The following USP30 variants were observed in gnomAD, a reference collection of about 807,000 sequenced individuals.
The protein encoded by USP30 is ubiquitin specific peptidase 30.
A neutral mutation model predicts 68.2 loss-of-function variants in USP30; 41 were observed. That is an observed-to-expected ratio of 0.60 (90% CI 0.47 to 0.78). The LOEUF is 0.78. USP30 is among the 30% of genes least tolerant of loss of function. USP30 has a pLI of 0.00. For missense variants in USP30, 522 were observed against 649.4 expected (o/e 0.80, Z 2.13); for synonymous variants, 229 against 253.7 (o/e 0.90, Z 0.93).
chr12:109,062,515 A>T (rs2041106053), intron 3 of USP30, among the ~76,000 whole-genome samples: 1 of 151,602 alleles, frequency 6.6e-6, no homozygotes, highest in East Asian at 2.0e-4. Flanking sequence ...TTTTTAGTAG[A>T]GACGGGGTTT....
intron 1 of USP30, among the ~76,000 whole-genome samples, chr12:109,024,010 C>A (rs967414128): frequency 6.6e-6 from 1 of 152,094 alleles, no homozygotes; most frequent in African/African-American, 2.4e-5. Context: ...CAGCCTGGAA[C>A]TGGAGAGTGG....
At chr12:109,077,009 G>A (rs2041631786) in intron 7 of USP30, among the ~76,000 whole-genome samples, 1 of 152,144 alleles carries the variant, frequency 6.6e-6, no homozygotes, top group Admixed American at 6.5e-5. Flanking sequence ...TGGGATTACA[G>A]GCATGAGCCA....
intron 3 of USP30, among the ~76,000 whole-genome samples, chr12:109,064,179 G>T (rs554209713): frequency 6.6e-5 from 10 of 151,900 alleles, no homozygotes; most frequent in African/African-American, 1.9e-4. Flanking sequence ...GCATTGTTTG[G>T]TTTTTTGTTG....
intron 1 of USP30, among the ~76,000 whole-genome samples, chr12:109,024,626 T>TA (rs1366791923): frequency 1.3e-5 from 2 of 149,696 alleles, no homozygotes; most frequent in Non-Finnish European, 3.0e-5. Context: ...AAAGCAGCAT[T>TA]TTTTTTTTCC....
intron 3 of USP30, among the ~76,000 whole-genome samples, chr12:109,041,081 A>G (rs572844223): frequency 4.6e-5 from 7 of 152,302 alleles, no homozygotes; most frequent in Non-Finnish European, 7.3e-5. Context: ...CTCATCAGTC[A>G]ACTGAGCTGG....
chr12:109,054,000 G>A, intron 1 of USP30: 1 of 455,746 alleles, frequency 2.2e-6, no homozygotes, highest in South Asian at 1.6e-5. Flanking sequence ...AAAAATGAAA[G>A]TGATAGTAGA....
At chr12:109,030,848 T>G (rs2040475503) in intron 3 of USP30, among the ~76,000 whole-genome samples, 1 of 152,160 alleles carries the variant, frequency 6.6e-6, no homozygotes, top group South Asian at 2.1e-4. Context: ...ACTCCTGACC[T>G]CATGATCCAC....
chr12:109,047,515 GT>G (rs1869626659), intron 3 of USP30: 1 of 152,174 alleles, frequency 6.6e-6, no homozygotes, highest in South Asian at 2.1e-4. Context: ...GAATCTTTCT[GT>G]GTTTATTCTT....
intron 3 of USP30, among the ~76,000 whole-genome samples, chr12:109,039,510 G>T (rs1199077617): frequency 1.3e-5 from 2 of 152,154 alleles, no homozygotes; most frequent in Non-Finnish European, 2.9e-5. Context: ...CATGAATGTA[G>T]TGAGAATATA....
intron 9 of USP30, 136 bp downstream of exon 9, chr12:109,082,155 G>T: frequency 5.5e-6 from 5 of 905,786 alleles, no homozygotes; most frequent in Non-Finnish European, 1.7e-6. Flanking sequence ...CCCTAATTTG[G>T]TTTGGACATT....
chr12:109,049,475 T>A (rs772007979), upstream of USP30, among the ~76,000 whole-genome samples: 1 of 152,196 alleles, frequency 6.6e-6, no homozygotes, highest in Non-Finnish European at 1.5e-5. Flanking sequence ...AATAGTAACA[T>A]TAAGGATCAC....
At chr12:109,036,904 C>T (rs974286145) in intron 3 of USP30, among the ~76,000 whole-genome samples, 1 of 151,990 alleles carries the variant, frequency 6.6e-6, no homozygotes, top group African/African-American at 2.4e-5. Context: ...TAGATGTGGA[C>T]CTCTTTGAAT....
chr12:109,084,460 G>T (rs1342604815), intron 11 of USP30, among the ~76,000 whole-genome samples: 1 of 152,154 alleles, frequency 6.6e-6, no homozygotes, highest in Non-Finnish European at 1.5e-5. Flanking sequence ...AAGGGACATT[G>T]GGCAGTGTCT....
upstream of USP30, among the ~76,000 whole-genome samples, chr12:109,049,114 CA>C (rs2040634689): frequency 1.3e-5 from 2 of 152,294 alleles, no homozygotes; most frequent in Admixed American, 1.3e-4. Context: ...ACTGGAGTAG[CA>C]CTTTTAATTT....
intron 3 of USP30, among the ~76,000 whole-genome samples, chr12:109,031,309 A>C (rs773908570): frequency 1.7e-4 from 26 of 152,164 alleles, no homozygotes; most frequent in Admixed American, 1.4e-3. Context: ...ATGTGTCCTC[A>C]ATGGCATTGT....
At chr12:109,032,518 T>C (rs1306882679) in intron 3 of USP30, among the ~76,000 whole-genome samples, 1 of 152,216 alleles carries the variant, frequency 6.6e-6, no homozygotes, top group Non-Finnish European at 1.5e-5. Flanking sequence ...AAGAACATTG[T>C]GTTAGGTGAA....
intron 8 of USP30, chr12:109,081,672 C>T (rs79820769): frequency 0.11 from 62,763 of 584,138 alleles, 4,842 homozygotes; most frequent in Admixed American, 0.31. Context: ...CAGACATTAA[C>T]CTCAGATTGA....
intron 3 of USP30, among the ~76,000 whole-genome samples, chr12:109,031,968 G>A (rs977281098): frequency 3.3e-5 from 5 of 151,940 alleles, no homozygotes; most frequent in African/African-American, 1.2e-4. Flanking sequence ...CAGGTGTCAT[G>A]GTGTGCATCT....
At position 109,085,817 on chromosome 12, in the gene USP30, T is replaced by C. The variant is rs1279999703; in HGVS notation, c.1440T>C (p.Thr480=). 2 of 1,614,232 alleles carry C rather than the reference T, an allele frequency of 1.2e-6. No homozygotes were observed. The highest frequency in any genetic ancestry group is 2.2e-5 in the South Asian group (2 of 91,084). The change falls in exon 13 of 13, where the codon ACT becomes ACC. Residue 480 remains threonine, a synonymous_variant. Transcript: ENST00000257548. ...SNQWLWVSDD[T]VRKASLQEVL... The stretch of plus-strand genomic sequence containing the variant: ...AGTGGCTGTGGGTCTCCGATGACAC[T>C]GTCCGCAAGGCCAGCCTGCAGGAGG...
Sources: allele counts gnomAD v4.1 joint callset (sites outside exome capture counted in the v4.1 genomes callset), GRCh38; gene constraint gnomAD v4.1.1; transcripts MANE v1.5; gene names NCBI Gene and HGNC (gene_info 2026-07-23, HGNC 2026-07-21).